Variants in ATP8B3 observed in about 807,000 individuals in gnomAD.
ATP8B3 encodes phospholipid-transporting ATPase IK.
In ATP8B3, 141 loss-of-function variants were observed where a neutral mutation model predicts 140.9. The observed-to-expected ratio is 1.00, with a 90% CI of 0.87 to 1.15. ATP8B3 has a LOEUF of 1.15. Ranked by LOEUF, ATP8B3 falls within the 50% of genes most tolerant of loss-of-function variation. The pLI is 0.00. For synonymous variants in ATP8B3, 765 were observed against 714.6 expected, an observed-to-expected ratio of 1.07 and a Z score of -1.13; for missense variants, 1,874 against 1,740.6, an observed-to-expected ratio of 1.08 and a Z score of -1.36.
At chr19:1,803,975 C>T (rs981040868) in intron 10 of ATP8B3, among the ~76,000 whole-genome samples, 2 of 151,572 alleles carry the variant, frequency 1.3e-5, no homozygotes, top group African/African-American at 4.9e-5. Flanking sequence ...ATGGGTGTGG[C>T]CCCCTCCACC....
At position 1,800,185 on chromosome 19, in the gene ATP8B3, C is replaced by A; in HGVS notation, c.1344-30G>T. Reference sequence around the variant, plus strand: ...AGAGGCACTCAGGGTCACGGTCAGCCCCGCCTGCTGTGTGCCATCCCCATG... The same window carrying A: ...AGAGGCACTCAGGGTCACGGTCAGCACCGCCTGCTGTGTGCCATCCCCATG... On this transcript the variant is annotated intron_variant, in intron 13 of 28. Transcript: ENST00000310127. This position sits in a 1 kb window ranked among gnomAD's most constrained non-coding sequence, Gnocchi z 4.4. 6.4e-7 allele frequency: 1 copy of A among 1,574,430 alleles called. No homozygotes were observed. The highest frequency in any genetic ancestry group is 8.6e-7 in the Non-Finnish European group (1 of 1,159,602).
intron 10 of ATP8B3, among the ~76,000 whole-genome samples, chr19:1,802,989 A>C (rs2068901458): frequency 6.6e-6 from 1 of 152,304 alleles, no homozygotes; most frequent in South Asian, 2.1e-4. Context: ...TGTGAACTCC[A>C]TGAGAACTGG....
At chr19:1,793,093 T>C (rs973683643) in intron 18 of ATP8B3, among the ~76,000 whole-genome samples, 1 of 150,590 alleles carries the variant, frequency 6.6e-6, no homozygotes, top group Non-Finnish European at 1.5e-5. Context: ...TTTTTTTTTT[T>C]TTTTCTCGGG....
In ATP8B3 at chr19:1,782,806, C is replaced by T. The variant is rs942225036; in HGVS notation, c.*222G>A. The T allele has an allele frequency of 5.0e-6, 3 of 596,808 alleles. No homozygotes were observed. Among genetic ancestry groups the T allele is most frequent in the Non-Finnish European group, 8.8e-6 (3 of 342,588 alleles). 37.0% of individuals were successfully genotyped at this position (596,808 alleles called of 1,614,324 possible). On this transcript the variant is annotated 3_prime_UTR_variant, in exon 29 of 29. Transcript: ENST00000310127. ...GCCTCTGCTTGGGTGACAATGACCT[C>T]TCCTGTGCCCTTGGCAATTGCTCTT... is the stretch of plus-strand genomic sequence containing the variant.
intron 4 of ATP8B3, among the ~76,000 whole-genome samples, chr19:1,809,048 C>T (rs2069110085): frequency 6.6e-6 from 1 of 151,730 alleles, no homozygotes; most frequent in Admixed American, 6.6e-5. Flanking sequence ...GTTGTGGGTG[C>T]CTGTAATCCC....
At chr19:1,790,281 C>T (rs190819512) in intron 21 of ATP8B3, among the ~76,000 whole-genome samples, 2,927 of 13,222 alleles carry the variant, frequency 0.22, 597 homozygotes, top group South Asian at 0.34. Flanking sequence ...GCTGCTCCCC[C>T]CTCCCCTCCC....
Position 1,787,122 on chromosome 19 carries a change from T to G in ATP8B3, c.3134A>C (p.Tyr1045Ser). Residue 1045 changes from tyrosine to serine, a missense_variant, in exon 25 of 29, where the codon TAC (tyrosine) becomes TCC (serine). Around this residue, in one of 3 missense-constraint regions of ATP8B3, gnomAD observed 840 missense variants for 760.9 expected, o/e 1.10. Transcript: ENST00000310127. The part of the protein sequence containing the change: ...NLLYSTLPVL[Y>S]IGLFEQDVSA... ...GCTCACCTGCTCAAAGAGCCCAATG[T>G]AGAGAACTGGCAGGGTGCTGTACAG... 6.2e-7 allele frequency: 1 copy of G among 1,607,988 alleles called. No individual in the cohort carries two copies. The highest frequency in any genetic ancestry group is 1.1e-5 in the South Asian group (1 of 89,928).
In ATP8B3 at chr19:1,782,426, A is replaced by G; in HGVS notation, c.*602T>C. On this transcript the variant is annotated 3_prime_UTR_variant, in exon 29 of 29. Transcript: ENST00000310127. ...CTGCTTCTCCGCGGGCCACAGCTCC[A>G]CCTCCATAGGCTGCTCGCTCGTGGA... 4.7e-6 allele frequency: 1 copy of G among 212,364 alleles called. No individual in the cohort carries two copies. The highest frequency in any genetic ancestry group is 9.2e-6 in the Non-Finnish European group (1 of 108,182). The allele number at this position is 212,364 out of a possible 1,614,324, so 13.2% of individuals were successfully genotyped here. A position where few individuals can be genotyped will look rare whatever the true frequency, so the allele number is the denominator to read the frequency against.
chr19:1,806,364 G>A lies in ATP8B3; in HGVS notation c.678-195C>T, dbSNP rs1331090797. On this transcript the variant is annotated intron_variant, in intron 7 of 28. Transcript: ENST00000310127. The surrounding 1 kb of genome is among the most constrained non-coding windows in gnomAD (Gnocchi z 5.6). ...ACGCTCCCACCCAGTGACCTCCAGG[G>A]TCCTGCACCCACGTCCTCTTCAGAC... 2.1e-6 allele frequency: 3 copies of A among 1,450,466 alleles called. No individual in the cohort carries two copies. The highest frequency in any genetic ancestry group is 1.4e-5 in the African/African-American group (1 of 69,928). 89.8% of individuals were successfully genotyped at this position (1,450,466 alleles called of 1,614,324 possible).
At position 1,808,203 on chromosome 19, in the gene ATP8B3, A is replaced by G; in HGVS notation, c.516+19T>C. The stretch of plus-strand genomic sequence containing the variant: ...CAGGTGGCTAGGGGGGACTTCCTGG[A>G]GGAGGCAACACGCCTCACCTGCAGG... On this transcript the variant is annotated intron_variant, in intron 5 of 28. Coordinates refer to ENST00000310127, the MANE Select transcript of ATP8B3 (RefSeq NM_138813.4). The G allele has an allele frequency of 6.3e-7, 1 of 1,582,128 alleles. No individual in the cohort carries two copies.
intron 10 of ATP8B3, among the ~76,000 whole-genome samples, chr19:1,803,974 G>A (rs1452542752): frequency 6.6e-6 from 1 of 151,662 alleles, no homozygotes; most frequent in Non-Finnish European, 1.5e-5. Flanking sequence ...GATGGGTGTG[G>A]CCCCCTCCAC....
chr19:1,794,542 C>A lies in ATP8B3; in HGVS notation c.2055+1333G>T, dbSNP rs919172067. Among the ~76,000 whole-genome samples, 8 of 150,654 alleles carry A rather than the reference C, an allele frequency of 5.3e-5. No individual in the cohort carries two copies. Among genetic ancestry groups the A allele is most frequent in the Admixed American group, 2.6e-4 (4 of 15,156 alleles). On this transcript the variant is annotated intron_variant, in intron 18 of 28. Coordinates refer to ENST00000310127, the MANE Select transcript of ATP8B3 (RefSeq NM_138813.4). This position sits in a 1 kb window ranked among gnomAD's most constrained non-coding sequence, Gnocchi z 4.8. Reference sequence around the variant, plus strand: ...GCAGAATCCTCTGGCCCTGTAGGGTCAGGGCTGGACCAGGGGGAGGCAGCC... The same window carrying A: ...GCAGAATCCTCTGGCCCTGTAGGGTAAGGGCTGGACCAGGGGGAGGCAGCC...
chr19:1,803,324 C>T (rs539051945), intron 10 of ATP8B3, among the ~76,000 whole-genome samples: 25 of 152,278 alleles, frequency 1.6e-4, no homozygotes, highest in African/African-American at 4.8e-4. Context: ...GCCTCCCCAT[C>T]GCGTCTTAGG....
In ATP8B3 at chr19:1,790,752, C is replaced by A. The variant is rs765245398; in HGVS notation, c.2378+5G>T. The A allele has an allele frequency of 6.3e-7, 1 of 1,591,788 alleles. No individual in the cohort carries two copies. Among genetic ancestry groups the A allele is most frequent in the East Asian group, 2.3e-5 (1 of 43,768 alleles). On this transcript the variant is annotated splice_donor_5th_base_variant and intron_variant, in intron 21 of 28. Transcript: ENST00000310127. The stretch of plus-strand genomic sequence containing the variant: ...TTGCTCACCCCCCAACTCCCCACTT[C>A]TTACCTAATCTCCTTCTCCTCCAGA...
intron 18 of ATP8B3, among the ~76,000 whole-genome samples, chr19:1,793,082 CTT>C (rs773629818): frequency 9.4e-5 from 13 of 138,246 alleles, no homozygotes; most frequent in Admixed American, 2.9e-4. Flanking sequence ...ACAGCAAATT[CTT>C]TTTTTTTTTT....
chr19:1,809,794 A>G, intron 3 of ATP8B3, 60 bp from the exon 4 acceptor site: 1 of 1,485,022 alleles, frequency 6.7e-7, no homozygotes, highest in Non-Finnish European at 9.2e-7. Context: ...ACCCCTAATG[A>G]CCGCCCGGAG....
Position 1,789,048 on chromosome 19 carries a change from C to A in ATP8B3, c.2918G>T (p.Gly973Val). ...QAVQNSDFVL[G>V]QFCFLQRLLL... ...GAGGCGCTGCAGGAAGCAGAACTGG[C>A]CGAGCACGAAGTCGCTGTTCTGAAC... is the stretch of plus-strand genomic sequence containing the variant. Residue 973 changes from glycine to valine, a missense_variant, in exon 24 of 29, where the codon GGC (glycine) becomes GTC (valine). By Grantham distance (109) the Gly-to-Val change is moderately radical. Around this residue, in one of 3 missense-constraint regions of ATP8B3, gnomAD observed 840 missense variants for 760.9 expected, o/e 1.10. Coordinates refer to ENST00000310127, the MANE Select transcript of ATP8B3 (RefSeq NM_138813.4). 6.2e-7 allele frequency: 1 copy of A among 1,606,310 alleles called. No individual in the cohort carries two copies. Among genetic ancestry groups the A allele is most frequent in the Non-Finnish European group, 8.5e-7 (1 of 1,177,398 alleles).
intron 23 of ATP8B3, 73 bp downstream of exon 23, chr19:1,789,288 C>A: frequency 4.2e-6 from 6 of 1,433,774 alleles, no homozygotes; most frequent in Admixed American, 4.8e-5. Flanking sequence ...CAGGTCCCCC[C>A]AGTCCCACCA....
intron 18 of ATP8B3, among the ~76,000 whole-genome samples, chr19:1,792,750 C>T (rs968248515): frequency 4.0e-5 from 6 of 151,732 alleles, no homozygotes; most frequent in South Asian, 4.2e-4. Context: ...CGTCTCCACT[C>T]GAAACACATA....
Sources: allele counts gnomAD v4.1 joint callset (sites outside exome capture counted in the v4.1 genomes callset), GRCh38; gene constraint gnomAD v4.1.1; regional missense constraint gnomAD v4.1.1; non-coding constraint Gnocchi (gnomAD v3.1); transcripts MANE v1.5; gene names NCBI Gene and HGNC (gene_info 2026-07-23, HGNC 2026-07-21).